Variants in TENM3 observed in about 807,000 individuals in gnomAD.
The protein encoded by TENM3 is teneurin-3.
In TENM3, 63 loss-of-function variants were observed where a neutral mutation model predicts 255.1. The observed-to-expected ratio is 0.25, with a 90% CI of 0.20 to 0.30. The LOEUF (loss-of-function observed/expected upper bound fraction) is 0.30, where lower values mean the gene tolerates loss of function less well. TENM3 is among the 10% of genes least tolerant of loss of function. The pLI, the probability that TENM3 is intolerant of heterozygous loss-of-function variation, is 1.00. For missense variants in TENM3, 2,929 were observed against 3,461.1 expected (o/e 0.85, Z 3.86); for synonymous variants, 1,306 against 1,322.3 (o/e 0.99, Z 0.27).
At chr4:182,074,950 C>G in the TENM3 span, among the ~76,000 whole-genome samples, 7 of 151,464 alleles carry the variant, frequency 4.6e-5, no homozygotes, top group South Asian at 1.5e-3. Flanking sequence ...AGGACTGTTT[C>G]AAATTTTATG....
At chr4:181,454,107 C>G in the TENM3 span, among the ~76,000 whole-genome samples, 4 of 152,100 alleles carry the variant, frequency 2.6e-5, no homozygotes, top group Non-Finnish European at 5.9e-5. Context: ...TAAGTAGGAT[C>G]TAATGGCATA....
At chr4:182,042,076 G>A in the TENM3 span, among the ~76,000 whole-genome samples, 9 of 152,140 alleles carry the variant, frequency 5.9e-5, no homozygotes, top group African/African-American at 1.7e-4. Flanking sequence ...TGTGTATGGT[G>A]TGGTGTGGTA....
chr4:182,776,215 C>G (rs368268203), intron 24 of TENM3, among the ~76,000 whole-genome samples: 3 of 152,162 alleles, frequency 2.0e-5, no homozygotes, highest in African/African-American at 7.2e-5. Flanking sequence ...GAGTTCGAGA[C>G]CAGCCTAGGC....
chr4:181,631,629 G>A, the TENM3 span, among the ~76,000 whole-genome samples: 1 of 152,078 alleles, frequency 6.6e-6, no homozygotes, highest in Non-Finnish European at 1.5e-5. Context: ...GATTAGACCA[G>A]GCCCACCCAA....
the TENM3 span, among the ~76,000 whole-genome samples, chr4:181,918,256 A>G: frequency 1.3e-5 from 2 of 152,200 alleles, no homozygotes; most frequent in Non-Finnish European, 2.9e-5. Context: ...ACAGTAAATA[A>G]CATAATAAAA....
chr4:182,059,682 G>A, the TENM3 span, among the ~76,000 whole-genome samples: 1 of 145,818 alleles, frequency 6.9e-6, no homozygotes, highest in Non-Finnish European at 1.5e-5. Flanking sequence ...GCCAAGGCGG[G>A]AGGATTGCTT....
chr4:182,490,933 A>C (rs890532368), intron 3 of TENM3, among the ~76,000 whole-genome samples: 1 of 152,212 alleles, frequency 6.6e-6, no homozygotes, highest in African/African-American at 2.4e-5. Flanking sequence ...TAGGGCACAT[A>C]GTAGATACAG....
chr4:181,460,654 A>G, the TENM3 span, among the ~76,000 whole-genome samples: 2 of 138,578 alleles, frequency 1.4e-5, no homozygotes, highest in African/African-American at 2.6e-5. Flanking sequence ...TTTTATCTGT[A>G]TTACTGCCTT....
At chr4:182,791,200 G>T (rs773410071) in intron 25 of TENM3, among the ~76,000 whole-genome samples, 2 of 152,200 alleles carry the variant, frequency 1.3e-5, no homozygotes, top group South Asian at 2.1e-4. Context: ...TACACAACCT[G>T]CATGCAAAAA....
chr4:182,104,304 C>T, the TENM3 span, among the ~76,000 whole-genome samples: 7 of 151,968 alleles, frequency 4.6e-5, no homozygotes, highest in African/African-American at 1.7e-4. Context: ...GCTTATTATT[C>T]AACATGATCC....
the TENM3 span, among the ~76,000 whole-genome samples, chr4:181,732,393 T>C: frequency 2.4e-4 from 36 of 152,322 alleles, no homozygotes; most frequent in African/African-American, 8.4e-4. Flanking sequence ...TCATTTCCTA[T>C]GTCAGTTTCT....
intron 13 of TENM3, among the ~76,000 whole-genome samples, chr4:182,727,491 G>A (rs1760308009): frequency 1.3e-5 from 2 of 149,058 alleles, no homozygotes; most frequent in Non-Finnish European, 3.0e-5. Flanking sequence ...TTTTTCAACT[G>A]GTCAGTAAAG....
chr4:181,864,264 A>G, the TENM3 span, among the ~76,000 whole-genome samples: 1 of 152,178 alleles, frequency 6.6e-6, no homozygotes, highest in African/African-American at 2.4e-5. Context: ...TGAACTTTGA[A>G]TTTCTGCAGG....
intron 1 of TENM3, chr4:182,190,158 A>G (rs1753422442): frequency 6.6e-6 from 1 of 152,214 alleles, no homozygotes; most frequent in Non-Finnish European, 1.5e-5. Flanking sequence ...AATTTAAAGA[A>G]AAAGAAACAT....
At chr4:181,953,995 G>A in the TENM3 span, among the ~76,000 whole-genome samples, 1 of 152,130 alleles carries the variant, frequency 6.6e-6, no homozygotes, top group South Asian at 2.1e-4. Context: ...GGACTGGAAG[G>A]CACAACTAGC....
At chr4:182,553,628 C>G (rs1194475358) in intron 3 of TENM3, among the ~76,000 whole-genome samples, 2 of 151,980 alleles carry the variant, frequency 1.3e-5, no homozygotes, top group African/African-American at 4.8e-5. Context: ...TTTCCTATTC[C>G]TTTGCTCGGT....
In TENM3 at chr4:182,176,918, G is replaced by A. The variant is rs1752529791; in HGVS notation, c.-76+32164G>A. The stretch of plus-strand genomic sequence containing the variant: ...TCGAATTCCTGACCTCAGGTGATCT[G>A]CCTGCCTTGGCCTCCCAAAATGCTG... On this transcript the variant is annotated intron_variant, in intron 1 of 2. Transcript: ENST00000512480. Among the ~76,000 whole-genome samples the A allele has an allele frequency of 2.1e-5, 3 of 144,468 alleles. No individual in the cohort carries two copies. The Admixed American group carries it at 2.2e-4, about 11-fold the overall frequency. The allele number at this position is 144,468 out of a possible 152,430, so 94.8% of individuals were successfully genotyped here. A position where few individuals can be genotyped will look rare whatever the true frequency, so the allele number is the denominator to read the frequency against.
the TENM3 span, among the ~76,000 whole-genome samples, chr4:181,960,184 A>G: frequency 6.6e-6 from 1 of 152,222 alleles, no homozygotes; most frequent in South Asian, 2.1e-4. Flanking sequence ...CTTTCCATCT[A>G]TTTAGCATTA....
chr4:181,875,870 C>T, the TENM3 span, among the ~76,000 whole-genome samples: 3 of 150,476 alleles, frequency 2.0e-5, no homozygotes, highest in African/African-American at 7.3e-5. Flanking sequence ...CTTGAATATG[C>T]CCAAACATCC....
Sources: gnomAD v4.1 joint callset for allele counts (sites outside exome capture counted in the v4.1 genomes callset) on GRCh38, gnomAD v4.1.1 for gene constraint, MANE v1.5 for transcripts, NCBI Gene and HGNC (gene_info 2026-07-23, HGNC 2026-07-21) for gene names.